ITPR2: variants seen among roughly 807,000 people sequenced by gnomAD.
ITPR2 encodes inositol 1,4,5-trisphosphate-gated calcium channel ITPR2.
A neutral mutation model predicts 317.1 loss-of-function variants in ITPR2; 207 were observed. The ratio of observed to expected loss-of-function variants is 0.65; its 90% CI spans 0.58 to 0.73. The LOEUF (loss-of-function observed/expected upper bound fraction) is 0.73. Ranked by LOEUF, ITPR2 falls within the 30% of genes least tolerant of loss-of-function variation. The pLI is 0.00. For synonymous variants in ITPR2, 1,156 were observed against 1,149.1 expected (o/e 1.01, Z -0.12); for missense variants, 2,613 against 3,284.0 (o/e 0.80, Z 4.99).
chr12:26,784,376 T>TTCCACGGTCTCCTTCCACGGTCTCCC (rs1950168048), intron 2 of ITPR2, among the ~76,000 whole-genome samples: 1 of 120,602 alleles, frequency 8.3e-6, no homozygotes, highest in African/African-American at 3.0e-5. Flanking sequence ...CACGGTCTCC[T>TTCCACGGTCTCCTTCCACGGTCTCCC]TCCACGGTCT....
intron 45 of ITPR2, among the ~76,000 whole-genome samples, chr12:26,459,490 TG>T (rs1941963481): frequency 6.6e-6 from 1 of 152,234 alleles, no homozygotes; most frequent in Admixed American, 6.5e-5. Flanking sequence ...AGATTGTTCT[TG>T]GAAGGCTGCT....
chr12:26,478,883 T>C (rs866590841), intron 43 of ITPR2, among the ~76,000 whole-genome samples: 1 of 152,174 alleles, frequency 6.6e-6, no homozygotes. Context: ...AATGAGTACA[T>C]AAAGCTAAGT....
At chr12:26,810,018 C>T (rs1277803693) in intron 1 of ITPR2, among the ~76,000 whole-genome samples, 2 of 152,208 alleles carry the variant, frequency 1.3e-5, no homozygotes, top group African/African-American at 4.8e-5. Flanking sequence ...GGCTTTGTCA[C>T]TGAAAGGCCA....
intron 24 of ITPR2, among the ~76,000 whole-genome samples, chr12:26,623,195 T>C (rs1946539706): frequency 6.6e-6 from 1 of 152,228 alleles, no homozygotes; most frequent in Non-Finnish European, 1.5e-5. Flanking sequence ...TTGCCCATGG[T>C]CAACCATGGT....
chr12:26,689,430 GAAAAGAA>G (rs1948191887), intron 10 of ITPR2, among the ~76,000 whole-genome samples: 1 of 147,318 alleles, frequency 6.8e-6, no homozygotes, highest in African/African-American at 2.5e-5. Context: ...ATAAAAAGGA[GAAAAGAA>G]AAAAGAAAAA....
At chr12:26,505,009 G>C (rs1347786947) in intron 37 of ITPR2, among the ~76,000 whole-genome samples, 1 of 152,172 alleles carries the variant, frequency 6.6e-6, no homozygotes, top group Non-Finnish European at 1.5e-5. Flanking sequence ...CAAAACGTGA[G>C]CTACCTCTGG....
chr12:26,369,719 C>A (rs1190586507), intron 55 of ITPR2, among the ~76,000 whole-genome samples: 1 of 152,122 alleles, frequency 6.6e-6, no homozygotes, highest in Admixed American at 6.6e-5. Flanking sequence ...TATTCATGAG[C>A]CCTTGGATCA....
Position 26,658,028 on chromosome 12 carries a change from G to C in ITPR2, c.1989C>G (p.Asp663Glu), listed in dbSNP as rs1368907897. Residue 663 changes from aspartate (D) to glutamate (E), a missense_variant, in exon 17 of 57, where the codon GAC becomes GAG. This residue lies in a region of ITPR2 where 817 missense variants were observed against 897.6 expected (regional missense o/e 0.91). Transcript: ENST00000381340. ...GGGCTTACTTAGTTTGAATGAGAAT[G>C]TCTGCATTGCCTGGACTCAACATAA... is the stretch of plus-strand genomic sequence containing the variant. ...CKFMLSPGNA[D>E]ILIQTKVVSM... is the part of the protein sequence containing the mutation. 1.2e-6 allele frequency: 2 copies of C among 1,612,524 alleles called. No homozygotes were observed. Among genetic ancestry groups the C allele is most frequent in the Admixed American group, 1.7e-5 (1 of 59,820 alleles).
chr12:26,796,753 G>A (rs983327656), intron 1 of ITPR2, among the ~76,000 whole-genome samples: 1 of 152,186 alleles, frequency 6.6e-6, no homozygotes, highest in Non-Finnish European at 1.5e-5. Flanking sequence ...GACTAGGCCA[G>A]GCGTGGCAGC....
At chr12:26,670,188 G>A (rs1308300283) in intron 13 of ITPR2, among the ~76,000 whole-genome samples, 1 of 152,242 alleles carries the variant, frequency 6.6e-6, no homozygotes, top group Admixed American at 6.5e-5. Context: ...CAGCTTTGAA[G>A]AGAGCATTGG....
At chr12:26,619,092 A>G (rs1031383056) in intron 26 of ITPR2, among the ~76,000 whole-genome samples, 14 of 152,234 alleles carry the variant, frequency 9.2e-5, no homozygotes, top group Non-Finnish European at 1.8e-4. Context: ...GGTGGTACTG[A>G]ATTTCCAGCT....
intron 29 of ITPR2, 149 bp downstream of exon 29, chr12:26,599,838 A>G (rs1945951300): frequency 1.7e-6 from 1 of 587,694 alleles, no homozygotes; most frequent in Non-Finnish European, 2.9e-6. Context: ...CTTAATGAAA[A>G]AAAAAAGATA....
intron 26 of ITPR2, among the ~76,000 whole-genome samples, chr12:26,612,970 C>T (rs1946303972): frequency 2.0e-5 from 3 of 152,184 alleles, no homozygotes; most frequent in Admixed American, 6.5e-5. Context: ...ATCAGGCCCA[C>T]GCTGGCCTCT....
chr12:26,342,525 T>G, intron 55 of ITPR2, among the ~76,000 whole-genome samples: 2 of 116,282 alleles, frequency 1.7e-5, no homozygotes, highest in African/African-American at 3.4e-5. Context: ...GGGGGTCAGA[T>G]CCCTCAGGAA....
At chr12:26,515,105 G>T (rs898812642) in intron 37 of ITPR2, among the ~76,000 whole-genome samples, 11 of 152,136 alleles carry the variant, frequency 7.2e-5, no homozygotes, top group African/African-American at 2.7e-4. Context: ...ATCTTACTCA[G>T]ATTGAACCAG....
At chr12:26,407,090 A>G (rs990940292) in intron 52 of ITPR2, among the ~76,000 whole-genome samples, 1 of 152,108 alleles carries the variant, frequency 6.6e-6, no homozygotes, top group African/African-American at 2.4e-5. Flanking sequence ...TTACAAAATC[A>G]TCTCCACCTC....
At chr12:26,452,354 TA>T (rs1347390865) in intron 45 of ITPR2, among the ~76,000 whole-genome samples, 4 of 141,784 alleles carry the variant, frequency 2.8e-5, no homozygotes, top group African/African-American at 1.1e-4. Flanking sequence ...ATACTCTTAA[TA>T]ACAGTACATT....
intron 54 of ITPR2, 25 bp from the exon 55 acceptor site, chr12:26,387,619 T>C (rs1328467069): frequency 1.6e-5 from 25 of 1,604,816 alleles, no homozygotes; most frequent in Non-Finnish European, 2.1e-5. Flanking sequence ...CAACACAATA[T>C]ATGTAATTCG....
In ITPR2 at chr12:26,441,337, CA is replaced by C. The variant is rs1403446182; in HGVS notation, c.6451-2019del. Among the ~76,000 whole-genome samples, 3 of 152,074 alleles carry C rather than the reference CA, an allele frequency of 2.0e-5. No individual in the cohort carries two copies. In the East Asian group the frequency reaches 5.8e-4, roughly 29 times the overall value. Reference sequence around the variant, plus strand: ...GGTCTTTAAGTCTATAACTTGCAGACAAACTATTATTCTCAATAACATGAAT... The same window carrying C: ...GGTCTTTAAGTCTATAACTTGCAGACAACTATTATTCTCAATAACATGAAT... On this transcript the variant is annotated intron_variant, in intron 46 of 56. Transcript: ENST00000381340.
Sources: allele counts gnomAD v4.1 joint callset (sites outside exome capture counted in the v4.1 genomes callset), GRCh38; gene constraint gnomAD v4.1.1; regional missense constraint gnomAD v4.1.1; transcripts MANE v1.5; gene names NCBI Gene and HGNC (gene_info 2026-07-23, HGNC 2026-07-21).